The following BEAN1 variants were observed in gnomAD, a reference collection of about 807,000 sequenced individuals.
The protein encoded by BEAN1 is brain expressed associated with NEDD4 1, also known as protein BEAN1.
A neutral mutation model predicts 17.7 loss-of-function variants in BEAN1; 17 were observed. The ratio of observed to expected loss-of-function variants is 0.96; its 90% CI spans 0.66 to 1.44. BEAN1 has a LOEUF of 1.44. Ranked by LOEUF, BEAN1 falls within the 40% of genes most tolerant of loss-of-function variation. The probability of loss-of-function intolerance (pLI) is 0.00; values close to 1 mark genes in which losing one functional copy is unlikely to be tolerated. For missense variants in BEAN1, 359 were observed against 374.1 expected (o/e 0.96, Z 0.33); for synonymous variants, 142 against 151.8 (o/e 0.94, Z 0.47).
intron 1 of BEAN1, among the ~76,000 whole-genome samples, chr16:66,436,266 C>CTTTTTTTTT (rs560577711): frequency 4.1e-5 from 5 of 120,642 alleles, no homozygotes; most frequent in Non-Finnish European, 6.9e-5. Flanking sequence ...TTTTTCTTTT[C>CTTTTTTTTT]TTTTTTTTTT....
rs146034039 is a variant in BEAN1, at chr16:66,460,424, C to T, written c.26-9178C>T. On this transcript the variant is annotated intron_variant, in intron 2 of 4. Transcript: ENST00000536005. ...ATTGTTCTTCCTCAGTAAAATCACCCAAGGGTCCCTACCTGCAATCTAGAA... is the reference window on the plus strand; with the variant it reads ...ATTGTTCTTCCTCAGTAAAATCACCTAAGGGTCCCTACCTGCAATCTAGAA... Among the ~76,000 whole-genome samples the T allele has an allele frequency of 2.5e-3, 380 of 152,290 alleles. 1 individual carries two copies. The highest frequency in any genetic ancestry group is 4.0e-3 in the Non-Finnish European group (270 of 68,008).
At chr16:66,483,213 A>C, downstream of BEAN1, 1 of 208,030 alleles carries the variant, frequency 4.8e-6, no homozygotes, top group Non-Finnish European at 1.0e-5. Context: ...ATCTCTACCC[A>C]TTCATTACCT....
At position 66,469,758 on chromosome 16, in the gene BEAN1, G is replaced by A; in HGVS notation, c.182G>A (p.Arg61Lys). 6.5e-7 allele frequency: 1 copy of A among 1,536,172 alleles called. No individual in the cohort carries two copies. The highest frequency in any genetic ancestry group is 1.2e-5 in the South Asian group (1 of 84,054). The stretch of plus-strand genomic sequence containing the variant: ...ACCATCATTGTGGGCAGCATCCGCA[G>A]GGACAGGCAGGCCCGGCTTCAGCGG... ...CITIIVGSIR[R>K]DRQARLQRHR... The change falls in exon 3 of 5, where the codon AGG (arginine) becomes AAG (lysine). Residue 61 changes from arginine to lysine, a missense_variant. Physicochemically the swap from Arg to Lys is conservative, Grantham distance 26 (BLOSUM62 2). Coordinates refer to ENST00000536005, the MANE Select transcript of BEAN1 (RefSeq NM_001178020.3).
intron 2 of BEAN1, among the ~76,000 whole-genome samples, chr16:66,448,676 A>G (rs1477272864): frequency 6.6e-6 from 1 of 152,200 alleles, no homozygotes; most frequent in Non-Finnish European, 1.5e-5. Flanking sequence ...TACAAAAAGT[A>G]GCTGGGTGTG....
At chr16:66,474,014 C>T (rs1253297327) in intron 3 of BEAN1, among the ~76,000 whole-genome samples, 3 of 152,204 alleles carry the variant, frequency 2.0e-5, no homozygotes, top group Admixed American at 6.5e-5. Flanking sequence ...CAGGTCAGCT[C>T]CAGAACTGCA....
chr16:66,465,271 T>A (rs572657364), intron 2 of BEAN1, among the ~76,000 whole-genome samples: 2 of 152,318 alleles, frequency 1.3e-5, no homozygotes, highest in East Asian at 3.9e-4. Context: ...ATCCTTTTTA[T>A]GTATTACTGG....
chr16:66,488,518 CA>C (rs35976761), intron 4 of BEAN1, among the ~76,000 whole-genome samples: 911 of 49,244 alleles, frequency 0.018, 3 homozygotes, highest in African/African-American at 0.03. Flanking sequence ...TTATCACTAC[CA>C]AAAAAAAAAA....
At chr16:66,432,744 C>T (rs1186515404) in intron 1 of BEAN1, among the ~76,000 whole-genome samples, 4 of 152,212 alleles carry the variant, frequency 2.6e-5, no homozygotes. Context: ...CTATCAGATC[C>T]ATCTGTCCCT....
intron 1 of BEAN1, among the ~76,000 whole-genome samples, chr16:66,435,887 T>A (rs1427346233): frequency 6.6e-6 from 1 of 152,198 alleles, no homozygotes; most frequent in Non-Finnish European, 1.5e-5. Flanking sequence ...GCTCTGCCAA[T>A]TCTTGGCAGT....
intron 3 of BEAN1, among the ~76,000 whole-genome samples, chr16:66,474,302 C>T (rs142309990): frequency 5.0e-4 from 76 of 151,970 alleles, no homozygotes; most frequent in African/African-American, 1.7e-3. Context: ...AGAAAACCTG[C>T]TCCCAGGCCA....
intron 4 of BEAN1, among the ~76,000 whole-genome samples, chr16:66,479,308 G>A (rs1019733038): frequency 2.6e-5 from 4 of 152,128 alleles, no homozygotes; most frequent in African/African-American, 7.2e-5. Context: ...TGGAGGTGGA[G>A]GTGCACAGAT....
At chr16:66,445,600 A>C (rs1567488043) in intron 2 of BEAN1, among the ~76,000 whole-genome samples, 1 of 151,604 alleles carries the variant, frequency 6.6e-6, no homozygotes, top group Non-Finnish European at 1.5e-5. Context: ...AGAGGGAGCC[A>C]TACAGGTGTC....
chr16:66,493,653 T>G, downstream of BEAN1: 1 of 474,714 alleles, frequency 2.1e-6, no homozygotes. Context: ...CAGCCCCTGG[T>G]CTCGGATGCA....
chr16:66,452,034 A>G (rs1482813993), intron 2 of BEAN1, among the ~76,000 whole-genome samples: 3 of 152,212 alleles, frequency 2.0e-5, no homozygotes, highest in Non-Finnish European at 4.4e-5. Context: ...AGTGGGGGAT[A>G]AAGAACTTCT....
chr16:66,463,431 A>G (rs1172042666), intron 2 of BEAN1, among the ~76,000 whole-genome samples: 2 of 152,164 alleles, frequency 1.3e-5, no homozygotes, highest in Non-Finnish European at 2.9e-5. Context: ...TTACTGGCCA[A>G]TTGTATCTTC....
intron 2 of BEAN1, among the ~76,000 whole-genome samples, chr16:66,455,203 C>G (rs558718588): frequency 6.6e-6 from 1 of 152,290 alleles, no homozygotes; most frequent in East Asian, 1.9e-4. Flanking sequence ...TGTCACTAAG[C>G]CAGGCTCTTA....
intron 1 of BEAN1, among the ~76,000 whole-genome samples, chr16:66,430,162 A>C (rs1163493573): frequency 6.6e-6 from 1 of 152,222 alleles, no homozygotes; most frequent in Non-Finnish European, 1.5e-5. Flanking sequence ...AAATGGGAAT[A>C]AATGTTACAC....
chr16:66,494,035 C>A (rs1028533977), downstream of BEAN1, among the ~76,000 whole-genome samples: 1 of 152,184 alleles, frequency 6.6e-6, no homozygotes, highest in African/African-American at 2.4e-5. Context: ...CCCCAGCACC[C>A]ACTATACCCC....
chr16:66,433,292 G>A (rs916549096), intron 1 of BEAN1, among the ~76,000 whole-genome samples: 1 of 151,996 alleles, frequency 6.6e-6, no homozygotes, highest in Admixed American at 6.6e-5. Flanking sequence ...TGTATTTTTA[G>A]TAGAGATAGG....
Sources: gnomAD v4.1 joint callset for allele counts (sites outside exome capture counted in the v4.1 genomes callset) on GRCh38, gnomAD v4.1.1 for gene constraint, MANE v1.5 for transcripts, NCBI Gene and HGNC (gene_info 2026-07-23, HGNC 2026-07-21) for gene names.